The following GPHN variants were observed in gnomAD, a reference collection of about 807,000 sequenced individuals.
GPHN encodes gephyrin.
Under a neutral mutation model 95.5 loss-of-function variants are expected in GPHN, and 17 were observed. That is an observed-to-expected ratio of 0.18 (90% CI 0.12 to 0.27). The LOEUF is 0.27. GPHN is among the 10% of genes least tolerant of loss of function. The pLI is 1.00. For missense variants in GPHN, 660 were observed against 978.1 expected (o/e 0.67, Z 4.34); for synonymous variants, 320 against 322.5 (o/e 0.99, Z 0.08).
At chr14:67,545,967 A>G in the GPHN span, among the ~76,000 whole-genome samples, 1 of 152,166 alleles carries the variant, frequency 6.6e-6, no homozygotes, top group African/African-American at 2.4e-5. Flanking sequence ...AAAGTTGAAA[A>G]CACTGTCTTA....
chr14:67,110,308 A>G (rs1278294267), intron 14 of GPHN, 49 bp downstream of exon 14: 2 of 1,601,554 alleles, frequency 1.2e-6, no homozygotes, highest in Non-Finnish European at 1.7e-6. Context: ...TGGCAGTATT[A>G]TGTCACAACC....
intron 1 of GPHN, among the ~76,000 whole-genome samples, chr14:66,632,085 C>T (rs1392310898): frequency 2.6e-5 from 4 of 152,110 alleles, no homozygotes; most frequent in Non-Finnish European, 5.9e-5. Flanking sequence ...ATCCTGCTAG[C>T]TCTGAGATCT....
intron 1 of GPHN, among the ~76,000 whole-genome samples, chr14:66,547,750 G>A (rs80091008): frequency 0.039 from 6,007 of 152,204 alleles, 172 homozygotes; most frequent in Middle Eastern, 0.065. Context: ...CAACAATAAC[G>A]AAACAATGTT....
chr14:67,648,205 A>C, the GPHN span: 1 of 1,607,658 alleles, frequency 6.2e-7, no homozygotes, highest in Non-Finnish European at 8.5e-7. Flanking sequence ...CCAGGTCTGC[A>C]GCCTGTTAAC....
chr14:67,212,636 A>ATATAT, the GPHN span, among the ~76,000 whole-genome samples: 1 of 145,664 alleles, frequency 6.9e-6, no homozygotes, highest in African/African-American at 2.5e-5. Context: ...TATATATAAT[A>ATATAT]TATATTACAT....
chr14:66,543,970 G>C (rs572201289), intron 1 of GPHN, among the ~76,000 whole-genome samples: 1 of 152,212 alleles, frequency 6.6e-6, no homozygotes, highest in African/African-American at 2.4e-5. Flanking sequence ...GGACTCTCCA[G>C]TGGCTCTTCA....
chr14:67,093,767 A>AC (rs770708323), intron 12 of GPHN, among the ~76,000 whole-genome samples: 6 of 152,056 alleles, frequency 3.9e-5, no homozygotes, highest in African/African-American at 7.2e-5. Context: ...AATTCCAAAC[A>AC]ATTTACCTAA....
intron 4 of GPHN, 75 bp from the exon 5 acceptor site, chr14:66,879,864 A>C: frequency 1.1e-6 from 1 of 887,964 alleles, no homozygotes; most frequent in Non-Finnish European, 1.9e-6. Flanking sequence ...ATCATTTTTA[A>C]GTGGGTTTTA....
Position 66,750,404 on chromosome 14 carries a change from T to C in GPHN, c.144-26060T>C, listed in dbSNP as rs560093166. On this transcript the variant is annotated intron_variant, in intron 2 of 22. Transcript: ENST00000478722. ...ACTCTCATACTAAAAATCAGACTTA[T>C]AATTGTAGTCTCTGTTTTCCAAGTC... is the stretch of plus-strand genomic sequence containing the variant. Among the ~76,000 whole-genome samples the C allele has an allele frequency of 7.9e-5, 12 of 152,020 alleles. No homozygotes were observed. In the South Asian group the frequency reaches 1.9e-3, roughly 24 times the overall value.
the GPHN span, among the ~76,000 whole-genome samples, chr14:67,405,731 T>C: frequency 9.2e-5 from 14 of 152,182 alleles, no homozygotes; most frequent in Admixed American, 7.2e-4. Flanking sequence ...GATTATTTGC[T>C]GTGGGAAAAG....
At chr14:67,660,135 A>G in the GPHN span, 3 of 495,598 alleles carry the variant, frequency 6.1e-6, no homozygotes, top group Non-Finnish European at 7.1e-6. Flanking sequence ...GCATTCGAGT[A>G]TATGAACTGA....
At chr14:67,010,543 C>A (rs1198595193) in intron 9 of GPHN, among the ~76,000 whole-genome samples, 1 of 139,326 alleles carries the variant, frequency 7.2e-6, no homozygotes, top group Non-Finnish European at 1.5e-5. Context: ...CAGAGCGAGA[C>A]TCTGTCTCAG....
intron 4 of GPHN, among the ~76,000 whole-genome samples, chr14:66,864,451 T>G (rs1370472440): frequency 6.6e-6 from 1 of 152,108 alleles, no homozygotes; most frequent in Non-Finnish European, 1.5e-5. Flanking sequence ...TGATCCAGCA[T>G]TCCCACTGCT....
intron 4 of GPHN, among the ~76,000 whole-genome samples, chr14:66,831,308 T>C (rs2061569015): frequency 6.6e-6 from 1 of 152,184 alleles, no homozygotes; most frequent in African/African-American, 2.4e-5. Flanking sequence ...AAATTAGTCA[T>C]ATTGAACTAG....
At chr14:67,268,799 T>G in the GPHN span, among the ~76,000 whole-genome samples, 2 of 152,216 alleles carry the variant, frequency 1.3e-5, no homozygotes, top group Non-Finnish European at 2.9e-5. Context: ...TATCTCATCC[T>G]GTGACTTAGA....
chr14:66,525,244 C>T (rs2058639772), intron 1 of GPHN, among the ~76,000 whole-genome samples: 1 of 152,126 alleles, frequency 6.6e-6, no homozygotes, highest in South Asian at 2.1e-4. Context: ...CTGTAATGAC[C>T]AGTGATGATG....
At chr14:67,037,611 A>T (rs2074487005) in intron 10 of GPHN, among the ~76,000 whole-genome samples, 1 of 151,978 alleles carries the variant, frequency 6.6e-6, no homozygotes, top group Admixed American at 6.6e-5. Flanking sequence ...AAAAAAAATC[A>T]AATATCCCAA....
intron 5 of GPHN, among the ~76,000 whole-genome samples, chr14:66,893,914 A>G (rs1178902953): frequency 6.6e-6 from 1 of 152,228 alleles, no homozygotes; most frequent in Non-Finnish European, 1.5e-5. Flanking sequence ...GGAAGAATCA[A>G]TATCGTGAAA....
At chr14:67,361,178 G>T in the GPHN span, among the ~76,000 whole-genome samples, 1 of 152,128 alleles carries the variant, frequency 6.6e-6, no homozygotes, top group South Asian at 2.1e-4. Flanking sequence ...TCATGCTGAG[G>T]TCTCTTTATC....
Sources: allele counts gnomAD v4.1 joint callset (sites outside exome capture counted in the v4.1 genomes callset), GRCh38; gene constraint gnomAD v4.1.1; transcripts MANE v1.5; gene names NCBI Gene and HGNC (gene_info 2026-07-23, HGNC 2026-07-21).